The following ATPSCKMT variants were observed in gnomAD, a reference collection of about 807,000 sequenced individuals.
ATPSCKMT encodes the protein ATP synthase subunit C lysine N-methyltransferase.
In ATPSCKMT, 24 loss-of-function variants were observed where a neutral mutation model predicts 24.3. That is an observed-to-expected ratio of 0.99 (90% CI 0.71 to 1.39). The LOEUF is 1.39. Ranked by LOEUF, ATPSCKMT falls within the 40% of genes most tolerant of loss-of-function variation. The pLI is 0.00. For missense variants in ATPSCKMT, 311 were observed against 298.4 expected (o/e 1.04, Z -0.31); for synonymous variants, 95 against 110.5 (o/e 0.86, Z 0.88).
At chr5:10,240,357 T>C (rs1021034180) in intron 1 of ATPSCKMT, among the ~76,000 whole-genome samples, 1 of 152,218 alleles carries the variant, frequency 6.6e-6, no homozygotes, top group Admixed American at 6.5e-5. Context: ...CTTTTGAGAT[T>C]TGTCCTTTAA....
intron 1 of ATPSCKMT, among the ~76,000 whole-genome samples, chr5:10,247,198 C>A (rs1744974047): frequency 6.6e-6 from 1 of 152,226 alleles, no homozygotes; most frequent in Admixed American, 6.5e-5. Flanking sequence ...GGTTTTGATG[C>A]CTGCAAGTCT....
chr5:10,238,164 G>C (rs1171203874), intron 2 of ATPSCKMT, among the ~76,000 whole-genome samples: 1 of 152,198 alleles, frequency 6.6e-6, no homozygotes, highest in Non-Finnish European at 1.5e-5. Flanking sequence ...GAGTTCTGGA[G>C]ATGGGTGGTG....
Position 10,226,704 on chromosome 5 carries a change from G to A in ATPSCKMT, c.*737C>T, listed in dbSNP as rs936963946. 1.3e-5 allele frequency: 2 copies of A among 152,186 alleles called. No individual in the cohort carries two copies. The highest frequency in any genetic ancestry group is 2.9e-5 in the Non-Finnish European group (2 of 68,040). The allele number at this position is 152,186 out of a possible 1,614,324, so 9.4% of individuals were successfully genotyped here. ...AACACCATTTATGGACCAAAGACTA[G>A]GTGCCATGAGTTTTAGAAATTGGTC... On this transcript the variant is annotated 3_prime_UTR_variant, in exon 5 of 5. Coordinates refer to ENST00000511437, the MANE Select transcript of ATPSCKMT (RefSeq NM_199133.4).
At chr5:10,249,779 C>G (rs1325577628) in intron 1 of ATPSCKMT, 79 bp downstream of exon 1, 1 of 1,524,036 alleles carries the variant, frequency 6.6e-7, no homozygotes, top group Non-Finnish European at 8.8e-7. Flanking sequence ...CAGTGGAGAC[C>G]TCAGCTGACC....
intron 4 of ATPSCKMT, among the ~76,000 whole-genome samples, chr5:10,230,695 G>A (rs1312025717): frequency 6.6e-6 from 1 of 152,050 alleles, no homozygotes; most frequent in African/African-American, 2.4e-5. Context: ...ACATAGTTCT[G>A]AAAGGTATAA....
At chr5:10,231,816 C>T (rs1262507780) in intron 4 of ATPSCKMT, among the ~76,000 whole-genome samples, 1 of 152,148 alleles carries the variant, frequency 6.6e-6, no homozygotes. Context: ...AGTGGCCACA[C>T]TTGTCAAATG....
intron 1 of ATPSCKMT, among the ~76,000 whole-genome samples, chr5:10,246,832 T>C (rs1380857322): frequency 6.6e-6 from 1 of 152,216 alleles, no homozygotes; most frequent in Non-Finnish European, 1.5e-5. Context: ...GACACAGGGC[T>C]GGTTGTGAGA....
Position 10,241,289 on chromosome 5 carries a change from C to T in ATPSCKMT, c.17-1933G>A, listed in dbSNP as rs1282228220. 3.3e-5 allele frequency among the ~76,000 whole-genome samples: 5 copies of T among 152,292 alleles called. No homozygotes were observed. In the East Asian group the frequency reaches 9.6e-4, roughly 29 times the overall value. ...AATAATCCAAAATAATCTCCCATCTCAAGACCACTGATTACATCTGTACAG... is the reference window on the plus strand; with the variant it reads ...AATAATCCAAAATAATCTCCCATCTTAAGACCACTGATTACATCTGTACAG... On this transcript the variant is annotated intron_variant, in intron 1 of 4. Transcript: ENST00000511437.
Position 10,227,598 on chromosome 5 carries a change from C to G in ATPSCKMT, c.545G>C (p.Arg182Pro). The G allele has an allele frequency of 4.3e-6, 7 of 1,614,184 alleles. No individual in the cohort carries two copies. The highest frequency in any genetic ancestry group is 5.9e-6 in the Non-Finnish European group (7 of 1,180,040). Residue 182 changes from arginine (R) to proline (P), a missense_variant, in exon 5 of 5, where the codon CGA becomes CCA. By Grantham distance (103) the Arg-to-Pro change is moderately radical (BLOSUM62 -2). Transcript: ENST00000511437. ...GAAAGGGAACCGGCAAGCAATAACT[C>G]GTGCATCATCCTCAAGTTCACGTTC... ...KLERELEDDARVIACRFPFPH... is the reference protein window; with the variant it reads ...KLERELEDDAPVIACRFPFPH...
chr5:10,228,435 C>T (rs1229948461), intron 4 of ATPSCKMT, among the ~76,000 whole-genome samples: 1 of 152,160 alleles, frequency 6.6e-6, no homozygotes, highest in African/African-American at 2.4e-5. Flanking sequence ...ATTTTATTAT[C>T]AATCTACCAA....
chr5:10,238,596 CA>C (rs1343521611), intron 2 of ATPSCKMT, among the ~76,000 whole-genome samples: 1 of 152,176 alleles, frequency 6.6e-6, no homozygotes, highest in Non-Finnish European at 1.5e-5. Context: ...GAGAGAAGTT[CA>C]TAAAAAGACT....
At chr5:10,235,454 A>G (rs1299194018) in intron 3 of ATPSCKMT, among the ~76,000 whole-genome samples, 193 bp from the exon 4 acceptor site, 1 of 152,206 alleles carries the variant, frequency 6.6e-6, no homozygotes, top group Non-Finnish European at 1.5e-5. Flanking sequence ...ATTCATTTTA[A>G]TTCAATCCAC....
chr5:10,229,264 C>T (rs376131896), intron 4 of ATPSCKMT, among the ~76,000 whole-genome samples: 6 of 152,184 alleles, frequency 3.9e-5, no homozygotes, highest in Admixed American at 6.5e-5. Flanking sequence ...TCTCCTTAGA[C>T]GGAAAACAGT....
chr5:10,233,661 G>T (rs1006121966), intron 4 of ATPSCKMT, among the ~76,000 whole-genome samples: 2 of 152,122 alleles, frequency 1.3e-5, no homozygotes, highest in Non-Finnish European at 2.9e-5. Flanking sequence ...GAGTGACGAT[G>T]ACTACCAAAG....
At chr5:10,234,480 T>C (rs930916585) in intron 4 of ATPSCKMT, among the ~76,000 whole-genome samples, 3 of 151,982 alleles carry the variant, frequency 2.0e-5, no homozygotes, top group African/African-American at 7.2e-5. Flanking sequence ...AAAAACAAAA[T>C]AAAAAAAGGT....
chr5:10,233,189 A>G lies in ATPSCKMT; in HGVS notation c.495+2022T>C, dbSNP rs146949837. 2.5e-3 allele frequency among the ~76,000 whole-genome samples: 383 copies of G among 152,244 alleles called. 4 individuals are homozygous for G. Among genetic ancestry groups the G allele is most frequent in the Non-Finnish European group, 3.6e-3 (244 of 67,992 alleles). ...CCTGGGCATCAGCAGGGAACGTCAC[A>G]TGGCATGCTGGCTTTGTGGAGTCAC... On this transcript the variant is annotated intron_variant, in intron 4 of 4. Transcript: ENST00000511437.
Position 10,227,627 on chromosome 5 carries a change from T to C in ATPSCKMT, c.516A>G (p.Lys172=). ...VPQMMLQLEK[K]LERELEDDAR... ...CATCATCCTCAAGTTCACGTTCAAG[T>C]TTCTTCTCCAACTGCAGCATCTGTG... Residue 172 remains lysine, a synonymous_variant, in exon 5 of 5, where the codon AAA becomes AAG. Coordinates refer to ENST00000511437, the MANE Select transcript of ATPSCKMT (RefSeq NM_199133.4). 6.2e-7 allele frequency: 1 copy of C among 1,614,182 alleles called. No individual in the cohort carries two copies. Among genetic ancestry groups the C allele is most frequent in the Non-Finnish European group, 8.5e-7 (1 of 1,180,038 alleles).
In ATPSCKMT at chr5:10,236,504, T is replaced by A. The variant is rs1401748380; in HGVS notation, c.418A>T (p.Lys140Ter). 1.4e-5 allele frequency: 22 copies of A among 1,614,102 alleles called. No homozygotes were observed. Among genetic ancestry groups the A allele is most frequent in the Non-Finnish European group, 1.9e-5 (22 of 1,180,044 alleles). ...TTCCACAAATCTGAAATATAAAATT[T>A]GGCAGATCCATGCACACCTTCTCGC... The part of the protein sequence containing the change: ...AWREGVHGSA[K>*]FYISDLWKVT... The change falls in exon 3 of 5, where the codon AAA becomes TAA. Residue 140 changes from lysine to a stop codon, truncating the protein, a stop_gained. Transcript: ENST00000511437. LOFTEE classifies it high-confidence loss of function.
At chr5:10,243,221 C>T (rs981940434) in intron 1 of ATPSCKMT, among the ~76,000 whole-genome samples, 7 of 152,318 alleles carry the variant, frequency 4.6e-5, no homozygotes, top group Admixed American at 2.0e-4. Context: ...CACAGTGGCT[C>T]GCGCCTGTAA....
Sources: allele counts gnomAD v4.1 joint callset (sites outside exome capture counted in the v4.1 genomes callset), GRCh38; gene constraint gnomAD v4.1.1; transcripts MANE v1.5; gene names NCBI Gene and HGNC (gene_info 2026-07-23, HGNC 2026-07-21).